The following B3GALT1 variants were observed in gnomAD, a reference collection of about 807,000 sequenced individuals.
The protein encoded by B3GALT1 is beta-1,3-galactosyltransferase 1, also known as UDP-Gal:betaGlcNAc beta 1,3-galactosyltransferase, polypeptide 1.
Under a neutral mutation model 23.2 loss-of-function variants are expected in B3GALT1, and 10 were observed. That is an observed-to-expected ratio of 0.43 (90% CI 0.27 to 0.73). The LOEUF is 0.73. Among genes scored for constraint, B3GALT1 ranks in the 30% least tolerant of loss-of-function variants. B3GALT1 has a pLI of 0.21. For missense variants in B3GALT1, 299 were observed against 405.4 expected, an observed-to-expected ratio of 0.74 and a Z score of 2.25; for synonymous variants, 156 against 141.5, an observed-to-expected ratio of 1.10 and a Z score of -0.73.
At chr2:167,832,879 G>A (rs981233266) in intron 4 of B3GALT1, among the ~76,000 whole-genome samples, 1 of 152,214 alleles carries the variant, frequency 6.6e-6, no homozygotes, top group African/African-American at 2.4e-5. Flanking sequence ...TCCATTACAT[G>A]AACATGGGTT....
rs570476523 is a variant in B3GALT1, at chr2:167,744,882, C to G, written c.-351-73790C>G. ...GGATTACAGGCGTGAACCACCACAC[C>G]CGGCCAGACATACCATTTATACACA... is the stretch of plus-strand genomic sequence containing the variant. On this transcript the variant is annotated intron_variant, in intron 3 of 4. Coordinates refer to ENST00000392690, the MANE Select transcript of B3GALT1 (RefSeq NM_020981.4). Among the ~76,000 whole-genome samples the G allele has an allele frequency of 1.7e-3, 260 of 152,348 alleles. 1 individual carries two copies. Among genetic ancestry groups the G allele is most frequent in the Admixed American group, 3.3e-3 (50 of 15,298 alleles).
At chr2:167,656,077 A>T (rs1010061314) in intron 3 of B3GALT1, among the ~76,000 whole-genome samples, 2 of 152,234 alleles carry the variant, frequency 1.3e-5, no homozygotes, top group South Asian at 2.1e-4. Context: ...GTGGACTGAG[A>T]TGGGGTGTCC....
intron 2 of B3GALT1, among the ~76,000 whole-genome samples, chr2:167,570,979 CATA>C (rs934825085): frequency 6.6e-5 from 10 of 151,938 alleles, no homozygotes; most frequent in Admixed American, 1.3e-4. Flanking sequence ...GATTCTCATA[CATA>C]ATAACATCCT....
chr2:167,716,090 C>A, intron 3 of B3GALT1: 1 of 1,541,738 alleles, frequency 6.5e-7, no homozygotes, highest in Admixed American at 1.7e-5. Context: ...CTGGCGGTCA[C>A]CGCAGTTAAC....
At chr2:167,364,486 C>T (rs903385093) in intron 1 of B3GALT1, among the ~76,000 whole-genome samples, 4 of 152,136 alleles carry the variant, frequency 2.6e-5, no homozygotes, top group Non-Finnish European at 5.9e-5. Flanking sequence ...TATCCTTCCC[C>T]GCTCCCCCCA....
At chr2:167,701,393 A>G (rs1233829129) in intron 3 of B3GALT1, among the ~76,000 whole-genome samples, 15 of 152,138 alleles carry the variant, frequency 9.9e-5, no homozygotes, top group Admixed American at 9.8e-4. Context: ...GCCTGTGGAC[A>G]GAGACCACAG....
At chr2:167,549,376 G>A (rs1243415735) in intron 2 of B3GALT1, among the ~76,000 whole-genome samples, 5 of 152,074 alleles carry the variant, frequency 3.3e-5, no homozygotes, top group African/African-American at 1.2e-4. Context: ...AACATATGTC[G>A]ACTTTCCACA....
intron 3 of B3GALT1, among the ~76,000 whole-genome samples, chr2:167,818,049 T>C (rs573108730): frequency 1.6e-3 from 250 of 152,302 alleles, no homozygotes; most frequent in Middle Eastern, 6.8e-3. Context: ...TGGACCTTTT[T>C]TATCACTTGG....
intron 2 of B3GALT1, among the ~76,000 whole-genome samples, chr2:167,613,584 A>T (rs1685106916): frequency 6.6e-6 from 1 of 151,650 alleles, no homozygotes; most frequent in South Asian, 2.1e-4. Context: ...CCAATTTTTA[A>T]ATTAATGGAT....
intron 1 of B3GALT1, among the ~76,000 whole-genome samples, chr2:167,462,784 G>GGTTTTATTCA (rs1699279952): frequency 6.6e-6 from 1 of 152,036 alleles, no homozygotes; most frequent in African/African-American, 2.4e-5. Context: ...GTAATCTTTA[G>GGTTTTATTCA]CTCATTATAA....
intron 1 of B3GALT1, among the ~76,000 whole-genome samples, chr2:167,447,554 A>G (rs1478975542): frequency 6.6e-6 from 1 of 152,130 alleles, no homozygotes; most frequent in Admixed American, 6.5e-5. Flanking sequence ...CTCAAGCCTC[A>G]GCAATGGCAG....
At chr2:167,361,433 A>G (rs1407732172) in intron 1 of B3GALT1, among the ~76,000 whole-genome samples, 3 of 152,176 alleles carry the variant, frequency 2.0e-5, no homozygotes, top group African/African-American at 7.2e-5. Flanking sequence ...TTATTAAAGA[A>G]ACAATCAGGG....
chr2:167,364,762 A>T (rs544284935), intron 1 of B3GALT1, among the ~76,000 whole-genome samples: 1 of 152,298 alleles, frequency 6.6e-6, no homozygotes, highest in Non-Finnish European at 1.5e-5. Context: ...GTTGTGCTTT[A>T]CATTTAGCAT....
chr2:167,442,683 A>G (rs1698914619), intron 1 of B3GALT1, among the ~76,000 whole-genome samples: 1 of 149,690 alleles, frequency 6.7e-6, no homozygotes, highest in African/African-American at 2.5e-5. Flanking sequence ...TCTTCTTTTG[A>G]GAAGTGTCTG....
chr2:167,363,936 A>T (rs1697542412), intron 1 of B3GALT1, among the ~76,000 whole-genome samples: 2 of 152,116 alleles, frequency 1.3e-5, no homozygotes, highest in African/African-American at 4.8e-5. Flanking sequence ...AGGGAGGCGG[A>T]TCACTTGAGG....
chr2:167,515,317 T>A (rs1700083251), intron 2 of B3GALT1, among the ~76,000 whole-genome samples: 2 of 152,164 alleles, frequency 1.3e-5, no homozygotes, highest in Non-Finnish European at 2.9e-5. Flanking sequence ...ATTATTACAT[T>A]CACTATGCTT....
intron 3 of B3GALT1, among the ~76,000 whole-genome samples, chr2:167,670,001 C>T (rs1186846285): frequency 6.6e-6 from 1 of 152,204 alleles, no homozygotes; most frequent in African/African-American, 2.4e-5. Flanking sequence ...TGAGAGACTT[C>T]ATGAAGAGGC....
chr2:167,446,072 C>G (rs1174042713), intron 1 of B3GALT1, among the ~76,000 whole-genome samples: 1 of 152,216 alleles, frequency 6.6e-6, no homozygotes, highest in Non-Finnish European at 1.5e-5. Context: ...GTGACAAAAT[C>G]TCTCAGCATT....
intron 3 of B3GALT1, among the ~76,000 whole-genome samples, chr2:167,666,205 G>A (rs992898400): frequency 2.0e-5 from 3 of 152,120 alleles, no homozygotes; most frequent in African/African-American, 7.2e-5. Flanking sequence ...ATTTCATTAT[G>A]TACCCAGTAG....
Sources: gnomAD v4.1 joint callset for allele counts (sites outside exome capture counted in the v4.1 genomes callset) on GRCh38, gnomAD v4.1.1 for gene constraint, MANE v1.5 for transcripts, NCBI Gene and HGNC (gene_info 2026-07-23, HGNC 2026-07-21) for gene names.